The following NAALADL2 variants were observed in gnomAD, a reference collection of about 807,000 sequenced individuals.
The protein encoded by NAALADL2 is N-acetylated alpha-linked acidic dipeptidase like 2.
A neutral mutation model predicts 87.2 loss-of-function variants in NAALADL2; 76 were observed. The observed-to-expected ratio is 0.87, with a 90% CI of 0.72 to 1.05. The LOEUF is 1.05. NAALADL2 is among the 50% of genes least tolerant of loss of function. The pLI, the probability that NAALADL2 is intolerant of heterozygous loss-of-function variation, is 0.00. For synonymous variants in NAALADL2, 354 were observed against 331.0 expected (o/e 1.07, Z -0.75); for missense variants, 1,089 against 945.8 (o/e 1.15, Z -1.99).
chr3:175,779,417 C>A (rs1750708663), intron 13 of NAALADL2, among the ~76,000 whole-genome samples: 1 of 151,508 alleles, frequency 6.6e-6, no homozygotes. Context: ...TTTTCCCTCT[C>A]TGTTATTGAT....
chr3:175,631,068 T>TAATAAATATGTATATTCTATA (rs1405995002), intron 11 of NAALADL2, among the ~76,000 whole-genome samples: 2 of 151,532 alleles, frequency 1.3e-5, no homozygotes, highest in Non-Finnish European at 3.0e-5. Flanking sequence ...TATGTATATC[T>TAATAAATATGTATATTCTATA]AATATGAATA....
chr3:174,910,892 A>T (rs1196315760), intron 1 of NAALADL2, among the ~76,000 whole-genome samples: 1 of 152,038 alleles, frequency 6.6e-6, no homozygotes, highest in Non-Finnish European at 1.5e-5. Flanking sequence ...AGGTGAACAG[A>T]AGAGGTAGGG....
intron 1 of NAALADL2, among the ~76,000 whole-genome samples, chr3:174,470,995 T>G (rs1716861590): frequency 6.6e-6 from 1 of 152,120 alleles, no homozygotes; most frequent in African/African-American, 2.4e-5. Flanking sequence ...TTTTATTTTT[T>G]TTCTTATGAA....
intron 10 of NAALADL2, among the ~76,000 whole-genome samples, chr3:175,589,556 A>T (rs902601235): frequency 2.0e-5 from 3 of 152,014 alleles, no homozygotes; most frequent in African/African-American, 7.2e-5. Context: ...AATAAAATTA[A>T]TATAGCTTTT....
chr3:175,004,575 C>T (rs919570491), intron 1 of NAALADL2, among the ~76,000 whole-genome samples: 10 of 151,496 alleles, frequency 6.6e-5, no homozygotes, highest in African/African-American at 2.4e-4. Flanking sequence ...CATATTTTTA[C>T]GTGTGAGGAA....
chr3:175,633,503 G>C (rs913004530), intron 11 of NAALADL2, among the ~76,000 whole-genome samples: 32 of 151,962 alleles, frequency 2.1e-4, no homozygotes, highest in Non-Finnish European at 4.3e-4. Flanking sequence ...GGCACTTGGA[G>C]TGCCAGAAGA....
rs1182481247 is a variant in NAALADL2 at position 174,509,391 on chromosome 3, T to TCTTC, written c.-183-41174_-183-41171dup. Reference sequence around the variant, plus strand: ...GAGAGAGAGAGCGAGCTCTGGTGTCTCTTCCTTTCTTTCTTTTTTTTTTTT... The same window carrying TCTTC: ...GAGAGAGAGAGCGAGCTCTGGTGTCTCTTCCTTCCTTTCTTTCTTTTTTTTTTTT... On this transcript the variant is annotated intron_variant, in intron 1 of 3. Transcript: ENST00000434257. Among the ~76,000 whole-genome samples the TCTTC allele has an allele frequency of 1.0e-4, 13 of 126,112 alleles. 1 individual carries two copies. Among genetic ancestry groups the TCTTC allele is most frequent in the South Asian group, 3.1e-4 (1 of 3,242 alleles). The allele number at this position is 126,112 out of a possible 152,430, so 82.7% of individuals were successfully genotyped here.
chr3:175,246,965 A>G (rs1748107774), intron 3 of NAALADL2, among the ~76,000 whole-genome samples: 3 of 152,174 alleles, frequency 2.0e-5, no homozygotes, highest in Non-Finnish European at 4.4e-5. Context: ...AGAGTCACAG[A>G]GGATGTGGAG....
chr3:175,307,705 A>T (rs1434238123), intron 4 of NAALADL2, among the ~76,000 whole-genome samples: 1 of 152,184 alleles, frequency 6.6e-6, no homozygotes, highest in African/African-American at 2.4e-5. Flanking sequence ...TTTAATTAGA[A>T]TTGAACATTG....
rs9833825 is a variant in NAALADL2 at position 174,968,723 on chromosome 3, C to T, written c.43+109273C>T. Among the ~76,000 whole-genome samples, 742 of 152,144 alleles carry T rather than the reference C, an allele frequency of 4.9e-3. 7 individuals carry two copies. The highest frequency in any genetic ancestry group is 0.017 in the African/African-American group (720 of 41,510). On this transcript the variant is annotated intron_variant, in intron 1 of 13. Coordinates refer to ENST00000454872, the MANE Select transcript of NAALADL2 (RefSeq NM_207015.3). ...TTGAACTCCTGACCTCGTGATCCGC[C>T]GCCTCGGCCTCCCAAAGTGCTGAGA... is the stretch of plus-strand genomic sequence containing the variant.
At chr3:174,951,026 C>T (rs1442602782) in intron 1 of NAALADL2, among the ~76,000 whole-genome samples, 1 of 152,006 alleles carries the variant, frequency 6.6e-6, no homozygotes, top group Admixed American at 6.6e-5. Context: ...CATTAGCAAA[C>T]ATGCCAATCT....
At position 175,808,669 on chromosome 3, in the gene NAALADL2, A is replaced by G. The variant is rs547182498; in HGVS notation, c.*5466A>G. On this transcript the variant is annotated 3_prime_UTR_variant, in exon 14 of 14. Coordinates refer to ENST00000454872, the MANE Select transcript of NAALADL2 (RefSeq NM_207015.3). ...TTAATATGCACCACCTAAGTCCCCA[A>G]AGGATCACACAGGTGCCTGTATCAT... 9.4e-4 allele frequency: 143 copies of G among 152,134 alleles called. 1 individual carries two copies. Among genetic ancestry groups the G allele is most frequent in the African/African-American group, 3.2e-3 (133 of 41,542 alleles). The allele number at this position is 152,134 out of a possible 1,614,324, so 9.4% of individuals were successfully genotyped here.
At chr3:175,502,392 G>A (rs1729678545) in intron 9 of NAALADL2, among the ~76,000 whole-genome samples, 1 of 152,124 alleles carries the variant, frequency 6.6e-6, no homozygotes, top group Admixed American at 6.6e-5. Flanking sequence ...GCCTGACACT[G>A]CAACAAATGA....
At chr3:174,909,906 T>C (rs993505617) in intron 1 of NAALADL2, among the ~76,000 whole-genome samples, 7 of 152,142 alleles carry the variant, frequency 4.6e-5, no homozygotes, top group Non-Finnish European at 1.0e-4. Context: ...ATTTGGTTAA[T>C]ATATTTAACT....
chr3:174,720,217 T>C (rs1269159049), intron 2 of NAALADL2, among the ~76,000 whole-genome samples: 2 of 152,198 alleles, frequency 1.3e-5, no homozygotes, highest in African/African-American at 4.8e-5. Context: ...GAAACTTTTA[T>C]TAAAGTAACT....
chr3:174,486,988 A>G (rs544348908), intron 1 of NAALADL2, among the ~76,000 whole-genome samples: 19 of 152,068 alleles, frequency 1.2e-4, no homozygotes, highest in South Asian at 4.1e-4. Flanking sequence ...AGCTGTGTCT[A>G]TCAGAGGCCT....
chr3:175,413,567 C>CAAGA lies in NAALADL2; in HGVS notation c.1091-33660_1091-33659insGAAA, dbSNP rs1553888008. ...CCTGGGCGACAGAGCGAGACTCCATCAAAAAAAAAAAAAAAAATCCCAAAC... is the reference window on the plus strand; with the variant it reads ...CCTGGGCGACAGAGCGAGACTCCATCAAGAAAAAAAAAAAAAAAAAATCCCAAAC... On this transcript the variant is annotated intron_variant, in intron 5 of 13. Transcript: ENST00000454872. 2.3e-5 allele frequency among the ~76,000 whole-genome samples: 3 copies of CAAGA among 132,588 alleles called. No homozygotes were observed. The Admixed American group carries it at 2.3e-4, about 10-fold the overall frequency. The allele number at this position is 132,588 out of a possible 152,430, so 87.0% of individuals were successfully genotyped here.
At chr3:174,540,976 C>T (rs947874704) in intron 1 of NAALADL2, among the ~76,000 whole-genome samples, 1 of 152,046 alleles carries the variant, frequency 6.6e-6, no homozygotes, top group African/African-American at 2.4e-5. Context: ...AGAATTAAAA[C>T]GCTCCTCAAA....
chr3:174,680,496 T>G (rs1727438319), intron 2 of NAALADL2, among the ~76,000 whole-genome samples: 1 of 152,220 alleles, frequency 6.6e-6, no homozygotes, highest in Admixed American at 6.5e-5. Context: ...TTTACTTTTT[T>G]GTTTTGTTTT....
Sources: gnomAD v4.1 joint callset for allele counts (sites outside exome capture counted in the v4.1 genomes callset) on GRCh38, gnomAD v4.1.1 for gene constraint, MANE v1.5 for transcripts, NCBI Gene and HGNC (gene_info 2026-07-23, HGNC 2026-07-21) for gene names.